The following UCP1 variants were observed in gnomAD, a reference collection of about 807,000 sequenced individuals.
The protein encoded by UCP1 is mitochondrial brown fat uncoupling protein 1.
In UCP1, 24 loss-of-function variants were observed where a neutral mutation model predicts 26.2. That is an observed-to-expected ratio of 0.92 (90% CI 0.66 to 1.29). The LOEUF is 1.29. Among genes scored for constraint, UCP1 ranks in the 50% most tolerant of loss-of-function variants. The pLI, the probability that UCP1 is intolerant of heterozygous loss-of-function variation, is 0.00. For synonymous variants in UCP1, 164 were observed against 156.8 expected, an observed-to-expected ratio of 1.05 and a Z score of -0.34; for missense variants, 402 against 388.7, an observed-to-expected ratio of 1.03 and a Z score of -0.29.
rs771837296 is a variant in UCP1, at chr4:140,568,690, C to T, written c.40G>A (p.Gly14Arg). Residue 14 changes from glycine (G) to arginine (R), a missense_variant, in exon 1 of 6, where the codon GGG (glycine) becomes AGG (arginine). Transcript: ENST00000262999. ...ATTCCAGCTGAGAAGAGCTGGACCCCCAGGGTCGGGTGTACGTCCGAGGCT... is the reference window on the plus strand; with the variant it reads ...ATTCCAGCTGAGAAGAGCTGGACCCTCAGGGTCGGGTGTACGTCCGAGGCT... ...LTASDVHPTL[G>R]VQLFSAGIAA... 6.2e-7 allele frequency: 1 copy of T among 1,606,014 alleles called. No individual in the cohort carries two copies. The highest frequency in any genetic ancestry group is 8.5e-7 in the Non-Finnish European group (1 of 1,177,164).
rs1437572234 is a variant in UCP1 at position 140,565,059 on chromosome 4, C to T, written c.326-1541G>A. The stretch of plus-strand genomic sequence containing the variant: ...CCTTTCCACACTCTCTGCTGTTTGA[C>T]CCTATTGGTAGTCCCTGCTGTGACT... On this transcript the variant is annotated intron_variant, in intron 2 of 5. Transcript: ENST00000262999. 2.0e-5 allele frequency among the ~76,000 whole-genome samples: 3 copies of T among 152,276 alleles called. No individual in the cohort carries two copies. The South Asian group carries it at 6.2e-4, about 32-fold the overall frequency.
In UCP1 at chr4:140,568,841, G is replaced by GT; in HGVS notation, c.-113dup. On this transcript the variant is annotated 5_prime_UTR_variant, in exon 1 of 6. Coordinates refer to ENST00000262999, the MANE Select transcript of UCP1 (RefSeq NM_021833.5). ...CCGCCGGGCAGCAAACCCGATTTCT[G>GT]TTTTTTGAACCGACCGCCGGGCAGC... The GT allele has an allele frequency of 1.3e-6, 2 of 1,510,902 alleles. No individual in the cohort carries two copies. The highest frequency in any genetic ancestry group is 1.8e-6 in the Non-Finnish European group (2 of 1,126,844). The allele number at this position is 1,510,902 out of a possible 1,614,324, so 93.6% of individuals were successfully genotyped here. A position where few individuals can be genotyped will look rare whatever the true frequency, so the allele number is the denominator to read the frequency against.
In UCP1 at chr4:140,562,389, G is replaced by A. The variant is rs1735697554; in HGVS notation, c.629-16C>T. The A allele has an allele frequency of 1.2e-6, 2 of 1,613,502 alleles. No individual in the cohort carries two copies. The highest frequency in any genetic ancestry group is 4.5e-5 in the East Asian group (2 of 44,872). The stretch of plus-strand genomic sequence containing the variant: ...GGGACGTCATCTAAAATGGATCGAT[G>A]AAACAGGTCAACATCAGACTTTTGG... On this transcript the variant is annotated splice_polypyrimidine_tract_variant and intron_variant, in intron 4 of 5. Coordinates refer to ENST00000262999, the MANE Select transcript of UCP1 (RefSeq NM_021833.5).
At chr4:140,561,765 C>A (rs1735682443) in intron 5 of UCP1, among the ~76,000 whole-genome samples, 1 of 152,204 alleles carries the variant, frequency 6.6e-6, no homozygotes, top group Non-Finnish European at 1.5e-5. Context: ...TTTTCTGCAT[C>A]ACTTTTCTAG....
chr4:140,568,866 C>A lies in UCP1; in HGVS notation c.-137G>T, dbSNP rs962792653. On this transcript the variant is annotated 5_prime_UTR_variant, in exon 1 of 6. Transcript: ENST00000262999. ...GTTTTTTGAACCGACCGCCGGGCAG[C>A]GGCGGTGCAGAGGCGGCGGCTGCAG... 5.7e-6 allele frequency: 8 copies of A among 1,405,432 alleles called. No individual in the cohort carries two copies. The African/African-American group carries it at 1.0e-4, about 18-fold the overall frequency. The allele number at this position is 1,405,432 out of a possible 1,614,324, so 87.1% of individuals were successfully genotyped here. A position where few individuals can be genotyped will look rare whatever the true frequency, so the allele number is the denominator to read the frequency against.
Position 140,568,896 on chromosome 4 carries a change from A to T in UCP1, c.-167T>A. The T allele has an allele frequency of 9.2e-7, 1 of 1,089,916 alleles. No homozygotes were observed. Among genetic ancestry groups the T allele is most frequent in the Non-Finnish European group, 1.3e-6 (1 of 769,362 alleles). The allele number at this position is 1,089,916 out of a possible 1,614,324, so 67.5% of individuals were successfully genotyped here. A position where few individuals can be genotyped will look rare whatever the true frequency, so the allele number is the denominator to read the frequency against. On this transcript the variant is annotated 5_prime_UTR_variant, in exon 1 of 6. Coordinates refer to ENST00000262999, the MANE Select transcript of UCP1 (RefSeq NM_021833.5). ...GTGCAGAGGCGGCGGCTGCAGACGG[A>T]GCGCGGTGTTGGGGGCCGAGTCCCC...
At position 140,562,315 on chromosome 4, in the gene UCP1, C is replaced by G; in HGVS notation, c.687G>C (p.Met229Ile). 1.2e-6 allele frequency: 2 copies of G among 1,614,030 alleles called. No individual in the cohort carries two copies. The highest frequency in any genetic ancestry group is 1.7e-6 in the Non-Finnish European group (2 of 1,179,998). Residue 229 changes from methionine (M) to isoleucine (I), a missense_variant, in exon 5 of 6, where the codon ATG becomes ATC. By Grantham distance (10) the Met-to-Ile change is conservative. Coordinates refer to ENST00000262999, the MANE Select transcript of UCP1 (RefSeq NM_021833.5). ...TTTTTACTACATCCACCGGGGAGGA[C>G]ATAGCTGTTGCGCAAAATCCAGCGA... ...ALIAGFCATAMSSPVDVVKTR... is the reference protein window; with the variant it reads ...ALIAGFCATAISSPVDVVKTR...
rs3749539 is a variant in UCP1 at position 140,568,909 on chromosome 4, G to A, written c.-180C>T. 72,709 of 898,074 alleles carry A rather than the reference G, an allele frequency of 0.081. 3,393 individuals carry two copies. Among genetic ancestry groups the A allele is most frequent in the South Asian group, 0.15 (8,964 of 58,530 alleles). The allele number at this position is 898,074 out of a possible 1,614,324, so 55.6% of individuals were successfully genotyped here. On this transcript the variant is annotated 5_prime_UTR_variant, in exon 1 of 6. Transcript: ENST00000262999. ...GGCTGCAGACGGAGCGCGGTGTTGG[G>A]GGCCGAGTCCCCGCGTCCCCTCCTA...
chr4:140,567,500 T>C (rs988016984), intron 2 of UCP1, among the ~76,000 whole-genome samples: 1 of 152,194 alleles, frequency 6.6e-6, no homozygotes, highest in African/African-American at 2.4e-5. Flanking sequence ...AAGTTAAACA[T>C]TTTTCTGTAG....
At chr4:140,563,607 TTG>T in intron 2 of UCP1, 89 bp from the exon 3 acceptor site, 1 of 1,295,780 alleles carries the variant, frequency 7.7e-7, no homozygotes, top group Non-Finnish European at 1.1e-6. Context: ...GTTCATATTT[TTG>T]TATTTTTTTT....
intron 1 of UCP1, 34 bp from the exon 2 acceptor site, chr4:140,568,011 C>A (rs539961851): frequency 6.8e-6 from 11 of 1,610,420 alleles, no homozygotes; most frequent in African/African-American, 5.3e-5. Context: ...CAGAAGGGAG[C>A]GAAATTGAGT....
chr4:140,567,951 A>G lies in UCP1; in HGVS notation c.153T>C (p.Ser51=), dbSNP rs200693427. The G allele has an allele frequency of 1.2e-6, 2 of 1,614,158 alleles. No individual in the cohort carries two copies. The highest frequency in any genetic ancestry group is 1.7e-6 in the Non-Finnish European group (2 of 1,180,034). The change falls in exon 2 of 6, where the codon AGT becomes AGC. Residue 51 remains serine, a synonymous_variant. Transcript: ENST00000262999. The stretch of plus-strand genomic sequence containing the variant: ...CCAGGACACCTTTATACCTAATAAC[A>G]CTGGACGTCGGGCATTCACCTTGGA... ...LQVQGECPTS[S]VIRYKGVLGT...
chr4:140,564,095 T>A (rs1025468796), intron 2 of UCP1, among the ~76,000 whole-genome samples: 1 of 152,204 alleles, frequency 6.6e-6, no homozygotes, highest in African/African-American at 2.4e-5. Flanking sequence ...TTCTTTCCTG[T>A]GTTCAACTTG....
Position 140,562,241 on chromosome 4 carries a change from C to T in UCP1, c.761G>A (p.Cys254Tyr). Residue 254 changes from cysteine to tyrosine, a missense_variant, in exon 5 of 6, where the codon TGT (cysteine) becomes TAT (tyrosine). Coordinates refer to ENST00000262999, the MANE Select transcript of UCP1 (RefSeq NM_021833.5). Reference sequence around the variant, plus strand: ...TTCGTTAGTGAACACTTTCATTGCACAGTTGGGCACACTTTTGTACTGTCC... The same window carrying T: ...TTCGTTAGTGAACACTTTCATTGCATAGTTGGGCACACTTTTGTACTGTCC... ...PPGQYKSVPN[C>Y]AMKVFTNEGP... is the part of the protein sequence containing the mutation. 1 of 1,614,166 alleles carries T rather than the reference C, an allele frequency of 6.2e-7. No individual in the cohort carries two copies. The highest frequency in any genetic ancestry group is 8.5e-7 in the Non-Finnish European group (1 of 1,180,010).
Position 140,563,473 on chromosome 4 carries a change from C to A in UCP1, c.371G>T (p.Gly124Val), listed in dbSNP as rs765590124. The A allele has an allele frequency of 6.2e-7, 1 of 1,614,126 alleles. No individual in the cohort carries two copies. The highest frequency in any genetic ancestry group is 8.5e-7 in the Non-Finnish European group (1 of 1,180,034). Residue 124 changes from glycine (G) to valine (V), a missense_variant, in exon 3 of 6, where the codon GGA becomes GTA. Gly to Val is a moderately radical substitution (Grantham distance 109). Coordinates refer to ENST00000262999, the MANE Select transcript of UCP1 (RefSeq NM_021833.5). ...TTGCCCAATGAATACTGCCACTCCTCCAGTCGTTAGACCAGCTAAAATCTT... is the reference window on the plus strand; with the variant it reads ...TTGCCCAATGAATACTGCCACTCCTACAGTCGTTAGACCAGCTAAAATCTT... ...GSKILAGLTT[G>V]GVAVFIGQPT...
intron 4 of UCP1, 48 bp downstream of exon 4, chr4:140,563,062 G>T: frequency 2.1e-6 from 3 of 1,458,862 alleles, no homozygotes; most frequent in South Asian, 2.3e-5. Flanking sequence ...GCTCCAAGAT[G>T]AACTTCTAAA....
At chr4:140,561,408 A>C (rs1278118933) in intron 5 of UCP1, among the ~76,000 whole-genome samples, 1 of 152,134 alleles carries the variant, frequency 6.6e-6, no homozygotes, top group Non-Finnish European at 1.5e-5. Context: ...GCTGGAGTGC[A>C]GTGGCACAAT....
Position 140,568,775 on chromosome 4 carries a change from G to A in UCP1, c.-46C>T, listed in dbSNP as rs1044493613. ...TGCAGAGGAAAAGGGCTCCAGCCCC[G>A]AAGGTGGAGGAAGTTCCTTTCCCTT... On this transcript the variant is annotated 5_prime_UTR_variant, in exon 1 of 6. Coordinates refer to ENST00000262999, the MANE Select transcript of UCP1 (RefSeq NM_021833.5). 1 of 1,546,114 alleles carries A rather than the reference G, an allele frequency of 6.5e-7. No individual in the cohort carries two copies. The highest frequency in any genetic ancestry group is 8.7e-7 in the Non-Finnish European group (1 of 1,150,618).
At chr4:140,564,891 C>A (rs58739151) in intron 2 of UCP1, among the ~76,000 whole-genome samples, 2,762 of 152,026 alleles carry the variant, frequency 0.018, 83 homozygotes, top group African/African-American at 0.061. Context: ...ATTTACAAAA[C>A]ATATTGTTTG....
Sources: gnomAD v4.1 joint callset for allele counts (sites outside exome capture counted in the v4.1 genomes callset) on GRCh38, gnomAD v4.1.1 for gene constraint, MANE v1.5 for transcripts, NCBI Gene and HGNC (gene_info 2026-07-23, HGNC 2026-07-21) for gene names.